The following ERO1B variants were observed in gnomAD, a reference collection of about 807,000 sequenced individuals.
The protein encoded by ERO1B is endoplasmic reticulum oxidoreductase 1 beta.
In ERO1B, 49 loss-of-function variants were observed where a neutral mutation model predicts 75.3. The observed-to-expected ratio is 0.65, with a 90% CI of 0.52 to 0.83. The LOEUF is 0.83. ERO1B is among the 40% of genes least tolerant of loss of function. ERO1B has a pLI of 0.00. For synonymous variants in ERO1B, 191 were observed against 192.9 expected, an observed-to-expected ratio of 0.99 and a Z score of 0.08; for missense variants, 512 against 560.1, an observed-to-expected ratio of 0.91 and a Z score of 0.87.
chr1:236,221,895 G>T, intron 14 of ERO1B, 29 bp downstream of exon 14: 1 of 1,547,898 alleles, frequency 6.5e-7, no homozygotes, highest in Non-Finnish European at 8.9e-7. Flanking sequence ...GGTTAGTAAT[G>T]GCTTCAAAAG....
In ERO1B at chr1:236,226,742, A is replaced by G. The variant is rs1664289566; in HGVS notation, c.713-3T>C. The stretch of plus-strand genomic sequence containing the variant: ...GACTCTTTTCTCCAGACACAAACCT[A>G]TTCAGAAAAATATTGAAAAAGAAAT... On this transcript the variant is annotated splice_region_variant and splice_polypyrimidine_tract_variant and intron_variant, in intron 10 of 15. Coordinates refer to ENST00000354619, the MANE Select transcript of ERO1B (RefSeq NM_019891.4). 2.5e-6 allele frequency: 4 copies of G among 1,595,564 alleles called. No homozygotes were observed. The highest frequency in any genetic ancestry group is 2.6e-6 in the Non-Finnish European group (3 of 1,173,714).
rs1390444710 is a variant in ERO1B, at chr1:236,218,589, G to T, written c.1344-13C>A. The stretch of plus-strand genomic sequence containing the variant: ...ACTTGTAGAAAGCCTATGGAAGAAA[G>T]AAAAAGCTTATTAGTAAGGCTAACA... On this transcript the variant is annotated splice_polypyrimidine_tract_variant and intron_variant, in intron 15 of 15. Coordinates refer to ENST00000354619, the MANE Select transcript of ERO1B (RefSeq NM_019891.4). 1 of 1,350,270 alleles carries T rather than the reference G, an allele frequency of 7.4e-7. No homozygotes were observed. Among genetic ancestry groups the T allele is most frequent in the East Asian group, 2.9e-5 (1 of 34,446 alleles). The allele number at this position is 1,350,270 out of a possible 1,614,324, so 83.6% of individuals were successfully genotyped here.
chr1:236,243,555 C>T, intron 5 of ERO1B, 60 bp from the exon 6 acceptor site: 1 of 1,097,956 alleles, frequency 9.1e-7, no homozygotes, highest in Non-Finnish European at 1.3e-6. Context: ...ACTTTTAATA[C>T]TGTATTCTAG....
chr1:236,254,196 C>T (rs1311495358), intron 2 of ERO1B, among the ~76,000 whole-genome samples: 1 of 152,148 alleles, frequency 6.6e-6, no homozygotes, highest in East Asian at 1.9e-4. Flanking sequence ...GCTGGATTTT[C>T]CTATTCTACA....
At chr1:236,275,576 G>C (rs1665693267) in intron 1 of ERO1B, among the ~76,000 whole-genome samples, 1 of 152,170 alleles carries the variant, frequency 6.6e-6, no homozygotes, top group South Asian at 2.1e-4. Flanking sequence ...TTCTTACGGA[G>C]CTAAATCTCC....
At chr1:236,245,978 T>C (rs776259080) in intron 5 of ERO1B, among the ~76,000 whole-genome samples, 3 of 152,038 alleles carry the variant, frequency 2.0e-5, no homozygotes, top group Admixed American at 6.6e-5. Flanking sequence ...GTATCATATT[T>C]CATTATACCT....
chr1:236,242,373 G>C (rs1265656459), intron 6 of ERO1B, among the ~76,000 whole-genome samples: 1 of 132,592 alleles, frequency 7.5e-6, no homozygotes, highest in East Asian at 5.1e-4. Context: ...GGCTTGCTTT[G>C]ATAAAAGTTT....
intron 9 of ERO1B, among the ~76,000 whole-genome samples, chr1:236,230,559 C>A (rs1308294902): frequency 6.9e-6 from 1 of 145,872 alleles, no homozygotes; most frequent in African/African-American, 2.5e-5. Flanking sequence ...TTGCTGTGAG[C>A]CGAGATCATA....
chr1:236,248,097 C>T (rs1055865551), intron 5 of ERO1B, among the ~76,000 whole-genome samples: 5 of 152,058 alleles, frequency 3.3e-5, no homozygotes, highest in African/African-American at 7.2e-5. Context: ...TGCACGAGGG[C>T]GGAAATTTTA....
At chr1:236,235,645 C>G in intron 8 of ERO1B, 144 bp downstream of exon 8, 1 of 672,716 alleles carries the variant, frequency 1.5e-6, no homozygotes, top group Non-Finnish European at 2.5e-6. Flanking sequence ...TCTCGAGACT[C>G]GACTATGAAC....
chr1:236,242,595 G>A (rs1039673885), intron 6 of ERO1B, among the ~76,000 whole-genome samples: 2 of 151,882 alleles, frequency 1.3e-5, no homozygotes, highest in East Asian at 1.9e-4. Context: ...AATTCTACCC[G>A]TGAATCTTTT....
chr1:236,281,588 C>A, intron 1 of ERO1B, 94 bp downstream of exon 1: 1 of 975,288 alleles, frequency 1.0e-6, no homozygotes. Context: ...TGGCCCGGCC[C>A]TGCCCGGCCC....
At chr1:236,235,626 G>A (rs1664520258) in intron 8 of ERO1B, among the ~76,000 whole-genome samples, 163 bp downstream of exon 8, 1 of 152,162 alleles carries the variant, frequency 6.6e-6, no homozygotes, top group South Asian at 2.1e-4. Context: ...AAAACAACAT[G>A]CCTAGAGATC....
intron 9 of ERO1B, among the ~76,000 whole-genome samples, chr1:236,231,499 T>TGA (rs1553370385): frequency 8.6e-5 from 10 of 115,748 alleles, no homozygotes; most frequent in African/African-American, 3.4e-4. Flanking sequence ...GTTAAACACT[T>TGA]GAAAAAAAAA....
intron 1 of ERO1B, among the ~76,000 whole-genome samples, chr1:236,272,465 AAATC>A (rs1665613658): frequency 6.6e-6 from 1 of 152,208 alleles, no homozygotes; most frequent in Admixed American, 6.5e-5. Flanking sequence ...CAAAAGCAGA[AAATC>A]AAATACTGCA....
At chr1:236,255,406 C>T (rs1280111301) in intron 2 of ERO1B, among the ~76,000 whole-genome samples, 4 of 152,136 alleles carry the variant, frequency 2.6e-5, no homozygotes, top group Non-Finnish European at 2.9e-5. Context: ...TCTACCCCAA[C>T]GTACTGTTTT....
At chr1:236,245,584 T>A (rs1440371842) in intron 5 of ERO1B, among the ~76,000 whole-genome samples, 2 of 29,006 alleles carry the variant, frequency 6.9e-5, no homozygotes, top group African/African-American at 2.2e-4. Flanking sequence ...ATATATATTT[T>A]TTTTTTTTTT....
chr1:236,220,952 C>G lies in ERO1B; in HGVS notation c.1223G>C (p.Gly408Ala). 1.3e-6 allele frequency: 2 copies of G among 1,560,794 alleles called. No homozygotes were observed. The highest frequency in any genetic ancestry group is 2.3e-5 in the East Asian group (1 of 43,398). Residue 408 changes from glycine (G) to alanine (A), a missense_variant, in exon 15 of 16, where the codon GGA (glycine) becomes GCA (alanine). Transcript: ENST00000354619. ...LWGKLQTQGLGTALKILFSEK... is the reference protein window; with the variant it reads ...LWGKLQTQGLATALKILFSEK... ...AGAGAATAATATCTTCAGGGCAGTTCCTAAACCCTGAGTCTAAAGAAAATA... is the reference window on the plus strand; with the variant it reads ...AGAGAATAATATCTTCAGGGCAGTTGCTAAACCCTGAGTCTAAAGAAAATA...
intron 10 of ERO1B, among the ~76,000 whole-genome samples, chr1:236,229,927 G>C (rs1046243519): frequency 5.3e-5 from 8 of 152,154 alleles, no homozygotes; most frequent in African/African-American, 1.9e-4. Flanking sequence ...CTCGTTACTA[G>C]AGAAGTAGTT....
Sources: gnomAD v4.1 joint callset for allele counts (sites outside exome capture counted in the v4.1 genomes callset) on GRCh38, gnomAD v4.1.1 for gene constraint, MANE v1.5 for transcripts, NCBI Gene and HGNC (gene_info 2026-07-23, HGNC 2026-07-21) for gene names.